The following HEATR4 variants were observed in gnomAD, a reference collection of about 807,000 sequenced individuals.
The protein encoded by HEATR4 is HEAT repeat containing 4.
In HEATR4, 95 loss-of-function variants were observed where a neutral mutation model predicts 108.8. The ratio of observed to expected loss-of-function variants is 0.87; its 90% CI spans 0.74 to 1.04. The LOEUF (loss-of-function observed/expected upper bound fraction) is 1.04, where lower values mean the gene tolerates loss of function less well. Ranked by LOEUF, HEATR4 falls within the 50% of genes least tolerant of loss-of-function variation. The probability of loss-of-function intolerance (pLI) is 0.00; values close to 1 mark genes in which losing one functional copy is unlikely to be tolerated. For missense variants in HEATR4, 1,152 were observed against 1,253.8 expected, an observed-to-expected ratio of 0.92 and a Z score of 1.23; for synonymous variants, 443 against 459.4, an observed-to-expected ratio of 0.96 and a Z score of 0.46.
intron 17 of HEATR4, among the ~76,000 whole-genome samples, chr14:73,487,650 C>G (rs1466826791): frequency 1.3e-5 from 2 of 152,112 alleles, no homozygotes; most frequent in Admixed American, 1.3e-4. Flanking sequence ...GTGCTAAATG[C>G]AAGACGGGAT....
At chr14:73,570,879 T>G in the HEATR4 span, among the ~76,000 whole-genome samples, 1 of 145,094 alleles carries the variant, frequency 6.9e-6, no homozygotes, top group Non-Finnish European at 1.5e-5. Flanking sequence ...CACTCCAGCC[T>G]GGGGGACAAG....
In HEATR4 at chr14:73,512,101, C is replaced by T. The variant is rs1887305616; in HGVS notation, c.1463G>A (p.Gly488Glu). ...GATCCGAACGTCATCATGCAGGTCT[C>T]CCAAGCTCTGAAGCAGGTTCTCTAC... ...ETVENLLQSL[G>E]DLHDDVRIKA... Residue 488 changes from glycine to glutamate, a missense_variant, in exon 7 of 18, where the codon GGA (glycine) becomes GAA (glutamate). Coordinates refer to ENST00000553558, the MANE Select transcript of HEATR4 (RefSeq NM_001220484.1). 6.2e-7 allele frequency: 1 copy of T among 1,614,042 alleles called. No individual in the cohort carries two copies. Among genetic ancestry groups the T allele is most frequent in the African/African-American group, 1.3e-5 (1 of 74,892 alleles).
the HEATR4 span, among the ~76,000 whole-genome samples, chr14:73,572,545 G>A: frequency 3.1e-4 from 46 of 150,656 alleles, no homozygotes; most frequent in African/African-American, 1.0e-3. Flanking sequence ...ATACTGGAAA[G>A]AGAGGAAAGG....
At chr14:73,482,086 T>C (rs574723989) in intron 17 of HEATR4, among the ~76,000 whole-genome samples, 2 of 150,242 alleles carry the variant, frequency 1.3e-5, no homozygotes, top group Non-Finnish European at 1.5e-5. Context: ...GAAAGGAGGG[T>C]TGAATAAGTG....
chr14:73,493,022 A>G, intron 17 of HEATR4, 44 bp downstream of exon 17: 1 of 1,542,082 alleles, frequency 6.5e-7, no homozygotes. Context: ...TTTTCCTTAA[A>G]CTCACGTTCT....
At chr14:73,494,247 G>T (rs1037772067) in intron 16 of HEATR4, among the ~76,000 whole-genome samples, 2 of 152,214 alleles carry the variant, frequency 1.3e-5, no homozygotes, top group Admixed American at 1.3e-4. Flanking sequence ...CTTGGAACCA[G>T]AAGACCTGGG....
chr14:73,523,291 T>C (rs75563395), intron 2 of HEATR4, 67 bp from the exon 3 acceptor site: 1 of 757,378 alleles, frequency 1.3e-6, no homozygotes, highest in Non-Finnish European at 2.0e-6. Flanking sequence ...CCATAGCAGT[T>C]CAGAAAGAGA....
chr14:73,576,783 GAC>G, the HEATR4 span, among the ~76,000 whole-genome samples: 1 of 29,912 alleles, frequency 3.3e-5, no homozygotes, highest in African/African-American at 1.3e-4. Context: ...GCAACAGCAA[GAC>G]ACAGTCTCAA....
At chr14:73,623,426 G>A in the HEATR4 span, among the ~76,000 whole-genome samples, 1 of 152,124 alleles carries the variant, frequency 6.6e-6, no homozygotes, top group Non-Finnish European at 1.5e-5. Flanking sequence ...GCTCATGCCT[G>A]TAAGCCCAAC....
chr14:73,553,407 A>T lies in HEATR4; in HGVS notation c.-152+5344T>A, dbSNP rs1889351534. On this transcript the variant is annotated intron_variant, in intron 1 of 17. Coordinates refer to ENST00000553558, the MANE Select transcript of HEATR4 (RefSeq NM_001220484.1). Reference sequence around the variant, plus strand: ...TCGCCTGTAATCCCAGCTACGGGGGAGGCTGAGGCAGGAGAATCACTTGGA... The same window carrying T: ...TCGCCTGTAATCCCAGCTACGGGGGTGGCTGAGGCAGGAGAATCACTTGGA... Among the ~76,000 whole-genome samples, 2 of 112,268 alleles carry T rather than the reference A, an allele frequency of 1.8e-5. 1 individual carries two copies. The highest frequency in any genetic ancestry group is 2.0e-4 in the Admixed American group (2 of 9,854). The allele number at this position is 112,268 out of a possible 152,430, so 73.7% of individuals were successfully genotyped here.
At chr14:73,603,867 G>A in the HEATR4 span, among the ~76,000 whole-genome samples, 6 of 151,696 alleles carry the variant, frequency 4.0e-5, no homozygotes, top group Admixed American at 6.6e-5. Flanking sequence ...CTGAGTAACT[G>A]GGACTACAGG....
the HEATR4 span, among the ~76,000 whole-genome samples, chr14:73,621,761 CT>C: frequency 0.048 from 5,216 of 109,524 alleles, 107 homozygotes; most frequent in African/African-American, 0.16. Context: ...TTCTTTCTTT[CT>C]TTTTTTTTTT....
intron 14 of HEATR4, among the ~76,000 whole-genome samples, chr14:73,497,005 C>T (rs1886145953): frequency 6.6e-6 from 1 of 152,230 alleles, no homozygotes; most frequent in Admixed American, 6.5e-5. Flanking sequence ...AAGCGATTCT[C>T]CTGCCTCAGC....
rs1016472701 is a variant in HEATR4, at chr14:73,498,051, T to C, written c.2546+104A>G. The C allele has an allele frequency of 1.5e-5, 16 of 1,063,936 alleles. No homozygotes were observed. The African/African-American group carries it at 2.5e-4, about 17-fold the overall frequency. 65.9% of individuals were successfully genotyped at this position (1,063,936 alleles called of 1,614,324 possible). A position where few individuals can be genotyped will look rare whatever the true frequency, so the allele number is the denominator to read the frequency against. On this transcript the variant is annotated intron_variant, in intron 14 of 17. Coordinates refer to ENST00000553558, the MANE Select transcript of HEATR4 (RefSeq NM_001220484.1). ...GAATGTGCAGGTGAACCAGTGCTTT[T>C]ACTGCCATTAGGTAGCCTGGAAAGG... is the stretch of plus-strand genomic sequence containing the variant.
chr14:73,587,490 G>A, the HEATR4 span, among the ~76,000 whole-genome samples: 70 of 152,006 alleles, frequency 4.6e-4, no homozygotes, highest in South Asian at 8.5e-3. Context: ...GACATTGCTG[G>A]GACTACAGAC....
At chr14:73,569,976 C>A in the HEATR4 span, 3 of 1,462,068 alleles carry the variant, frequency 2.1e-6, no homozygotes, top group Non-Finnish European at 2.7e-6. Flanking sequence ...GTATGCCCCC[C>A]CGCCGCGCCC....
chr14:73,502,672 C>T (rs1391529722), intron 11 of HEATR4, among the ~76,000 whole-genome samples: 1 of 152,080 alleles, frequency 6.6e-6, no homozygotes, highest in Non-Finnish European at 1.5e-5. Flanking sequence ...CTCAGCCTCC[C>T]GAGTAGCTGG....
chr14:73,562,420 CAT>C (rs1033468984), upstream of HEATR4, among the ~76,000 whole-genome samples: 12 of 151,952 alleles, frequency 7.9e-5, no homozygotes, highest in African/African-American at 2.4e-4. Flanking sequence ...GATTGTAAAA[CAT>C]GTGTTTGAAC....
chr14:73,491,709 G>A, intron 17 of HEATR4: 1 of 1,550,336 alleles, frequency 6.5e-7, no homozygotes, highest in Non-Finnish European at 8.7e-7. Flanking sequence ...GTGCTGGTGC[G>A]GCGGCAGGAC....
Sources: allele counts gnomAD v4.1 joint callset (sites outside exome capture counted in the v4.1 genomes callset), GRCh38; gene constraint gnomAD v4.1.1; transcripts MANE v1.5; gene names NCBI Gene and HGNC (gene_info 2026-07-23, HGNC 2026-07-21).